MAGI1: variants seen among roughly 807,000 people sequenced by gnomAD.
The protein encoded by MAGI1 is membrane-associated guanylate kinase, WW and PDZ domain-containing protein 1.
MAGI1 carries 58 observed loss-of-function variants against 139.9 expected under a neutral mutation model. The ratio of observed to expected loss-of-function variants is 0.41; its 90% CI spans 0.34 to 0.52. The LOEUF is 0.52. Among genes scored for constraint, MAGI1 ranks in the 20% least tolerant of loss-of-function variants. MAGI1 has a pLI of 0.12. For missense variants in MAGI1, 1,874 were observed against 1,901.6 expected (o/e 0.99, Z 0.27); for synonymous variants, 812 against 737.9 (o/e 1.10, Z -1.63).
intron 13 of MAGI1, among the ~76,000 whole-genome samples, chr3:65,399,291 A>T (rs1024162032): frequency 6.6e-6 from 1 of 152,170 alleles, no homozygotes; most frequent in Non-Finnish European, 1.5e-5. Flanking sequence ...CTCTGACCCC[A>T]CCAGAAAAAT....
intron 1 of MAGI1, among the ~76,000 whole-genome samples, chr3:65,798,630 G>T (rs2040308144): frequency 6.6e-6 from 1 of 151,944 alleles, no homozygotes; most frequent in Non-Finnish European, 1.5e-5. Context: ...ATATTCCCAG[G>T]AGCTTTGTGA....
intron 21 of MAGI1, among the ~76,000 whole-genome samples, chr3:65,361,904 A>C (rs990927369): frequency 8.5e-5 from 13 of 152,232 alleles, no homozygotes; most frequent in African/African-American, 3.1e-4. Context: ...GAGCTTAAAA[A>C]GCAAACCCTT....
intron 2 of MAGI1, among the ~76,000 whole-genome samples, chr3:65,598,173 CCTAGAGGCTGCCGGATAT>C (rs2106812261): frequency 6.6e-6 from 1 of 152,070 alleles, no homozygotes; most frequent in South Asian, 2.1e-4. Context: ...AGCCCGGGCT[CCTAGAGGCTGCCGGATAT>C]CTAGGCCGGG....
intron 1 of MAGI1, among the ~76,000 whole-genome samples, chr3:65,868,708 AG>A (rs1322776879): frequency 1.3e-5 from 2 of 152,338 alleles, no homozygotes; most frequent in African/African-American, 4.8e-5. Flanking sequence ...AGGCCATTAC[AG>A]GGCAAGGGTG....
At chr3:65,411,617 A>G (rs943627082) in intron 12 of MAGI1, among the ~76,000 whole-genome samples, 1 of 152,298 alleles carries the variant, frequency 6.6e-6, no homozygotes. Flanking sequence ...ACCGGCCCCA[A>G]AGGAAAACCT....
At chr3:65,692,156 C>T (rs1253778550) in intron 1 of MAGI1, among the ~76,000 whole-genome samples, 1 of 152,004 alleles carries the variant, frequency 6.6e-6, no homozygotes, top group Non-Finnish European at 1.5e-5. Flanking sequence ...GATGTTCTAA[C>T]TTAGCACAGT....
At chr3:65,736,796 A>C (rs9311953) in intron 1 of MAGI1, among the ~76,000 whole-genome samples, 5 of 152,010 alleles carry the variant, frequency 3.3e-5, no homozygotes, top group Non-Finnish European at 5.9e-5. Flanking sequence ...ATTCAAATGC[A>C]AACCTCTTCC....
intron 1 of MAGI1, among the ~76,000 whole-genome samples, chr3:65,809,820 G>A (rs896079077): frequency 6.6e-6 from 1 of 152,124 alleles, no homozygotes; most frequent in Non-Finnish European, 1.5e-5. Flanking sequence ...AATGACTCCT[G>A]TCCAGTTCCT....
At chr3:65,547,429 G>A (rs368019812) in intron 2 of MAGI1, among the ~76,000 whole-genome samples, 16 of 152,232 alleles carry the variant, frequency 1.1e-4, no homozygotes, top group South Asian at 6.2e-4. Context: ...AACATATCAC[G>A]TAGGATTTAT....
At chr3:65,382,522 C>T (rs1162566601) in intron 15 of MAGI1, among the ~76,000 whole-genome samples, 3 of 152,166 alleles carry the variant, frequency 2.0e-5, no homozygotes, top group Non-Finnish European at 2.9e-5. Context: ...GTTGGTTGGA[C>T]ATCTCCATTT....
Position 65,437,137 on chromosome 3 carries a change from G to A in MAGI1, c.1363+18C>T. 3 of 1,539,834 alleles carry A rather than the reference G, an allele frequency of 1.9e-6. No homozygotes were observed. The South Asian group carries it at 3.6e-5, about 18-fold the overall frequency. Reference sequence around the variant, plus strand: ...TTGAGCTAAAACCATGACACAATTAGAAAGACAAGTACTTTACCCTGAAGT... The same window carrying A: ...TTGAGCTAAAACCATGACACAATTAAAAAGACAAGTACTTTACCCTGAAGT... On this transcript the variant is annotated intron_variant, in intron 10 of 22. Coordinates refer to ENST00000402939, the MANE Select transcript of MAGI1 (RefSeq NM_001033057.2).
chr3:65,797,253 A>G (rs2040206990), intron 1 of MAGI1, among the ~76,000 whole-genome samples: 1 of 152,198 alleles, frequency 6.6e-6, no homozygotes, highest in Non-Finnish European at 1.5e-5. Flanking sequence ...GAGTGGAGGC[A>G]GGTAAACACT....
At chr3:65,788,959 G>A (rs2643738) in intron 1 of MAGI1, among the ~76,000 whole-genome samples, 27,466 of 152,012 alleles carry the variant, frequency 0.18, 2,846 homozygotes, top group South Asian at 0.36. Flanking sequence ...AGGAGAATCC[G>A]TTGCGGCCAG....
chr3:65,817,754 AACT>A (rs146333885), intron 1 of MAGI1, among the ~76,000 whole-genome samples: 2 of 152,334 alleles, frequency 1.3e-5, no homozygotes, highest in African/African-American at 4.8e-5. Flanking sequence ...TCAAAGTAAC[AACT>A]ACTGCTGTGG....
At chr3:65,507,893 G>C (rs1321581922) in intron 2 of MAGI1, among the ~76,000 whole-genome samples, 2 of 129,680 alleles carry the variant, frequency 1.5e-5, no homozygotes, top group African/African-American at 5.4e-5. Context: ...GCTTTTAGAG[G>C]TGATTTTTTT....
intron 3 of MAGI1, among the ~76,000 whole-genome samples, chr3:65,480,649 G>A (rs916897841): frequency 1.4e-5 from 2 of 143,066 alleles, no homozygotes; most frequent in African/African-American, 2.6e-5. Context: ...GCAATGGCAC[G>A]ATCTCGGCTC....
intron 1 of MAGI1, among the ~76,000 whole-genome samples, chr3:65,648,395 C>G (rs151150040): frequency 1.2e-4 from 18 of 152,234 alleles, no homozygotes; most frequent in Non-Finnish European, 2.2e-4. Flanking sequence ...AGGGATCTTC[C>G]TGCCTCAGCC....
intron 2 of MAGI1, among the ~76,000 whole-genome samples, chr3:65,551,124 T>C (rs1408821788): frequency 6.6e-6 from 1 of 152,114 alleles, no homozygotes; most frequent in Non-Finnish European, 1.5e-5. Context: ...GCCATGCTGT[T>C]CTCATGATGG....
chr3:65,916,120 G>A (rs541251733), intron 1 of MAGI1, among the ~76,000 whole-genome samples: 6 of 151,146 alleles, frequency 4.0e-5, no homozygotes, highest in South Asian at 2.1e-4. Flanking sequence ...AGGCTGGAGC[G>A]CAGTGGCACA....
Sources: allele counts gnomAD v4.1 joint callset (sites outside exome capture counted in the v4.1 genomes callset), GRCh38; gene constraint gnomAD v4.1.1; transcripts MANE v1.5; gene names NCBI Gene and HGNC (gene_info 2026-07-23, HGNC 2026-07-21).